FOXP1: variants seen among roughly 807,000 people sequenced by gnomAD.
FOXP1 encodes forkhead box protein P1.
In FOXP1, 15 loss-of-function variants were observed where a neutral mutation model predicts 98.2. The ratio of observed to expected loss-of-function variants is 0.15; its 90% confidence interval spans 0.10 to 0.24. FOXP1 has a LOEUF of 0.24. FOXP1 is among the 10% of genes least tolerant of loss of function. FOXP1 has a pLI of 1.00. For synonymous variants in FOXP1, 371 were observed against 314.5 expected, an observed-to-expected ratio of 1.18 and a Z score of -1.90; for missense variants, 633 against 848.5, an observed-to-expected ratio of 0.75 and a Z score of 3.15.
chr3:71,014,262 A>T (rs1559721456), intron 12 of FOXP1, among the ~76,000 whole-genome samples: 1 of 152,120 alleles, frequency 6.6e-6, no homozygotes, highest in Non-Finnish European at 1.5e-5. Flanking sequence ...TCATCTGACA[A>T]AGGGCTAATC....
chr3:71,367,054 T>C (rs950800580), intron 3 of FOXP1, among the ~76,000 whole-genome samples: 1 of 152,204 alleles, frequency 6.6e-6, no homozygotes, highest in Non-Finnish European at 1.5e-5. Flanking sequence ...ATTTGCTCAT[T>C]AAAAACAAAA....
chr3:71,384,134 G>A (rs370618221), intron 3 of FOXP1, among the ~76,000 whole-genome samples: 120 of 152,244 alleles, frequency 7.9e-4, no homozygotes, highest in Non-Finnish European at 1.2e-3. Flanking sequence ...CAGGAGAATC[G>A]CTTGAACCCC....
At chr3:71,005,144 A>AT (rs956590201) in intron 12 of FOXP1, among the ~76,000 whole-genome samples, 1 of 151,702 alleles carries the variant, frequency 6.6e-6, no homozygotes. Context: ...TTTTTCTTTA[A>AT]TTTTTTGGTA....
At chr3:71,182,908 A>G (rs576882742) in intron 6 of FOXP1, among the ~76,000 whole-genome samples, 1 of 151,902 alleles carries the variant, frequency 6.6e-6, no homozygotes, top group Non-Finnish European at 1.5e-5. Context: ...CATTGACAGC[A>G]TGTTGCTTTT....
rs894787055 is a variant in FOXP1 at position 70,971,145 on chromosome 3, G to A, written c.1653-340C>T. 10 of 348,466 alleles carry A rather than the reference G, an allele frequency of 2.9e-5. 1 individual carries two copies. The highest frequency in any genetic ancestry group is 8.5e-5 in the African/African-American group (4 of 47,050). The allele number at this position is 348,466 out of a possible 1,614,324, so 21.6% of individuals were successfully genotyped here. On this transcript the variant is annotated intron_variant, in intron 18 of 20. Transcript: ENST00000649528. ...AAGGAAGGCAGCAGCCTAGGAGGTC[G>A]TGCTGGGGAAGGCAGTGAGCTCACA...
intron 11 of FOXP1, among the ~76,000 whole-genome samples, chr3:71,039,618 G>A (rs1233802140): frequency 6.6e-6 from 1 of 152,112 alleles, no homozygotes; most frequent in African/African-American, 2.4e-5. Context: ...ATGGCCTCCT[G>A]CTCTGCCTAT....
At chr3:71,203,938 G>GATGA (rs1463985288) in intron 5 of FOXP1, among the ~76,000 whole-genome samples, 1 of 131,352 alleles carries the variant, frequency 7.6e-6, no homozygotes, top group African/African-American at 3.0e-5. Flanking sequence ...GAAAAGGAAG[G>GATGA]AGGAAGGAAG....
intron 3 of FOXP1, among the ~76,000 whole-genome samples, chr3:71,458,360 T>C (rs550895213): frequency 1.2e-4 from 19 of 152,310 alleles, no homozygotes; most frequent in African/African-American, 4.3e-4. Flanking sequence ...CATACACACA[T>C]TACATAGACA....
intron 6 of FOXP1, among the ~76,000 whole-genome samples, chr3:71,132,632 G>A (rs1193680465): frequency 1.3e-5 from 2 of 152,176 alleles, no homozygotes; most frequent in Non-Finnish European, 2.9e-5. Flanking sequence ...CTCTGGGACT[G>A]CAAAGCAAGA....
intron 4 of FOXP1, chr3:71,334,755 G>A (rs1048524305): frequency 6.6e-6 from 1 of 151,980 alleles, no homozygotes; most frequent in Admixed American, 6.6e-5. Context: ...AAGAATTCAG[G>A]GAATACAGTA....
intron 3 of FOXP1, among the ~76,000 whole-genome samples, chr3:71,462,430 A>C (rs535940378): frequency 6.6e-6 from 1 of 152,294 alleles, no homozygotes; most frequent in Non-Finnish European, 1.5e-5. Context: ...TGCCTTCTGG[A>C]GTGCACTAGG....
chr3:71,002,301 T>C (rs1162648444), intron 12 of FOXP1, among the ~76,000 whole-genome samples: 2 of 152,212 alleles, frequency 1.3e-5, no homozygotes, highest in East Asian at 1.9e-4. Context: ...ATACAAATTC[T>C]GCTGTTCTTC....
chr3:71,228,718 T>C (rs922709563), intron 5 of FOXP1, among the ~76,000 whole-genome samples: 5 of 152,180 alleles, frequency 3.3e-5, no homozygotes, highest in Admixed American at 6.5e-5. Flanking sequence ...AGGGTGAAGA[T>C]TACACTCTAT....
At position 70,977,655 on chromosome 3, in the gene FOXP1, A is replaced by C; in HGVS notation, c.1416T>G (p.Ser472=). 2 of 1,613,300 alleles carry C rather than the reference A, an allele frequency of 1.2e-6. No homozygotes were observed. The highest frequency in any genetic ancestry group is 1.7e-6 in the Non-Finnish European group (2 of 1,179,292). ...AEVRPPFTYA[S]LIRQAILESP... ...GTTATTTACTTACCTGCCTAATTAA[A>C]GATGCATATGTAAATGGTGGTCTAA... The change falls in exon 16 of 21, where the codon TCT becomes TCG. Residue 472 remains serine (S), a synonymous_variant. Transcript: ENST00000649528.
At chr3:71,281,587 T>C (rs2071572992) in intron 5 of FOXP1, among the ~76,000 whole-genome samples, 1 of 152,256 alleles carries the variant, frequency 6.6e-6, no homozygotes, top group East Asian at 1.9e-4. Flanking sequence ...CTCTCAGGCC[T>C]GTCAAGAGCC....
chr3:71,018,284 C>T (rs1392379635), intron 11 of FOXP1, among the ~76,000 whole-genome samples: 1 of 152,196 alleles, frequency 6.6e-6, no homozygotes, highest in Non-Finnish European at 1.5e-5. Flanking sequence ...GATAACGACA[C>T]ACTAGGGCCT....
chr3:71,165,135 C>T (rs984543600), intron 6 of FOXP1, among the ~76,000 whole-genome samples: 1 of 151,452 alleles, frequency 6.6e-6, no homozygotes, highest in Non-Finnish European at 1.5e-5. Flanking sequence ...CAATAAAACA[C>T]TTTCTCTTTC....
chr3:71,218,050 C>T (rs1040260062), intron 5 of FOXP1, among the ~76,000 whole-genome samples: 2 of 152,130 alleles, frequency 1.3e-5, no homozygotes, highest in East Asian at 1.9e-4. Flanking sequence ...TGAAACTGTC[C>T]CTATCATATT....
At chr3:71,572,192 G>A (rs189418506) in intron 2 of FOXP1, 2 of 152,322 alleles carry the variant, frequency 1.3e-5, no homozygotes, top group Admixed American at 1.3e-4. Context: ...TCAAATGAAT[G>A]CTTTGCCTGT....
Sources: gnomAD v4.1 joint callset for allele counts (sites outside exome capture counted in the v4.1 genomes callset) on GRCh38, gnomAD v4.1.1 for gene constraint, MANE v1.5 for transcripts, NCBI Gene and HGNC (gene_info 2026-07-23, HGNC 2026-07-21) for gene names.